The following NBPF14 variants were observed in gnomAD, a reference collection of about 807,000 sequenced individuals.
The protein encoded by NBPF14 is NBPF member 14, also known as NBPF family member NBPF14.
In NBPF14, 104 loss-of-function variants were observed where a neutral mutation model predicts 91.2. The observed-to-expected ratio is 1.14, with a 90% CI of 0.97 to 1.34. The LOEUF is 1.34. NBPF14 is among the 40% of genes most tolerant of loss of function. The pLI, the probability that NBPF14 is intolerant of heterozygous loss-of-function variation, is 0.00. For synonymous variants in NBPF14, 294 were observed against 303.8 expected, an observed-to-expected ratio of 0.97 and a Z score of 0.34; for missense variants, 908 against 783.0, an observed-to-expected ratio of 1.16 and a Z score of -1.91.
At chr1:148,576,088 C>A (rs1317205755) in intron 16 of NBPF14, among the ~76,000 whole-genome samples, 1 of 142,300 alleles carries the variant, frequency 7.0e-6, no homozygotes, top group Non-Finnish European at 1.5e-5. Flanking sequence ...AAAGGACACT[C>A]TGAGTTAGTG....
intron 37 of NBPF14, among the ~76,000 whole-genome samples, chr1:148,559,452 G>C (rs1425422518): frequency 2.3e-5 from 3 of 132,534 alleles, no homozygotes; most frequent in Non-Finnish European, 4.5e-5. Flanking sequence ...GAGGATTTCA[G>C]ACGCTGAAAT....
chr1:148,542,147 C>T (rs1447452296), intron 59 of NBPF14, among the ~76,000 whole-genome samples: 1 of 105,058 alleles, frequency 9.5e-6, no homozygotes, highest in Non-Finnish European at 1.7e-5. Flanking sequence ...CAAATGATTT[C>T]TAGGAGAAAA....
At chr1:148,589,836 G>T (rs1240458673) in intron 6 of NBPF14, among the ~76,000 whole-genome samples, 1 of 148,118 alleles carries the variant, frequency 6.8e-6, no homozygotes, top group Non-Finnish European at 1.5e-5. Flanking sequence ...GGGTTCAAGC[G>T]ATTCTCATCC....
chr1:148,534,493 C>A (rs1379020764), intron 69 of NBPF14, among the ~76,000 whole-genome samples, 191 bp downstream of exon 69: 1 of 151,800 alleles, frequency 6.6e-6, no homozygotes, highest in Non-Finnish European at 1.5e-5. Flanking sequence ...GGAAGAGAGT[C>A]TTGCTCACTG....
chr1:148,587,196 G>A, intron 8 of NBPF14, 105 bp downstream of exon 8: 2 of 967,918 alleles, frequency 2.1e-6, no homozygotes, highest in South Asian at 1.3e-5. Flanking sequence ...GGCAATTCCT[G>A]CCCTTCCCCT....
chr1:148,576,005 G>T (rs1308155017), intron 16 of NBPF14, among the ~76,000 whole-genome samples, 194 bp from the exon 17 acceptor site: 1 of 147,200 alleles, frequency 6.8e-6, no homozygotes, highest in Admixed American at 6.7e-5. Context: ...GAAAGACAGG[G>T]AGAGGGAGAG....
chr1:148,577,455 A>G (rs1660037343), intron 14 of NBPF14, 100 bp from the exon 15 acceptor site: 12 of 682,914 alleles, frequency 1.8e-5, no homozygotes, highest in Admixed American at 6.3e-5. Flanking sequence ...GTTTGAAAAG[A>G]AAAAGGACAG....
At chr1:148,560,187 C>CAGAGAT (rs1657536774) in intron 36 of NBPF14, among the ~76,000 whole-genome samples, 1 of 151,078 alleles carries the variant, frequency 6.6e-6, no homozygotes, top group African/African-American at 2.5e-5. Context: ...GAGACAGAGA[C>CAGAGAT]AGAGACAGAG....
At chr1:148,566,117 T>A in intron 29 of NBPF14, 26 bp downstream of exon 29, 2 of 464,480 alleles carry the variant, frequency 4.3e-6, no homozygotes, top group Non-Finnish European at 3.6e-6. Flanking sequence ...AGTGGATCCT[T>A]ATCACCTTCA....
chr1:148,534,597 G>A (rs1654663644), intron 69 of NBPF14, 87 bp downstream of exon 69: 5 of 886,698 alleles, frequency 5.6e-6, no homozygotes, highest in Non-Finnish European at 9.6e-6. Context: ...ACATCTCTCG[G>A]GTGAGTAAGG....
At chr1:148,593,266 C>A (rs1217773017) in intron 3 of NBPF14, among the ~76,000 whole-genome samples, 1 of 148,768 alleles carries the variant, frequency 6.7e-6, no homozygotes, top group Non-Finnish European at 1.5e-5. Context: ...GTGATTCTCA[C>A]TAAGGGTAAG....
At chr1:148,574,441 A>ACT (rs1367537333) in intron 18 of NBPF14, among the ~76,000 whole-genome samples, 2,735 of 49,534 alleles carry the variant, frequency 0.055, 42 homozygotes, top group Non-Finnish European at 0.08. Flanking sequence ...ACACACACAC[A>ACT]CACACACACA....
At chr1:148,590,215 ATTT>A (rs1261308189) in intron 6 of NBPF14, among the ~76,000 whole-genome samples, 2 of 118,788 alleles carry the variant, frequency 1.7e-5, no homozygotes, top group South Asian at 6.0e-4. Context: ...ACGCCCAGCT[ATTT>A]TTTTTTTTTT....
chr1:148,566,189 A>T (rs1658231037), exon 29 of NBPF14: 1 of 556,044 alleles, frequency 1.8e-6, no homozygotes, highest in East Asian at 3.3e-5. Context: ...CCAATGCATA[A>T]AAGGAACTTC....
chr1:148,532,241 A>G (rs1455152133), exon 71 of NBPF14: 4 of 151,016 alleles, frequency 2.6e-5, no homozygotes, highest in African/African-American at 9.7e-5. Context: ...ATTACCTCCT[A>G]TGAAACTCAG....
Position 148,535,513 on chromosome 1 carries a change from A to C in NBPF14, c.8390-9T>G. 1 of 407,980 alleles carries C rather than the reference A, an allele frequency of 2.5e-6. No homozygotes were observed. Among genetic ancestry groups the C allele is most frequent in the Non-Finnish European group, 4.1e-6 (1 of 242,972 alleles). The allele number at this position is 407,980 out of a possible 1,614,324, so 25.3% of individuals were successfully genotyped here. On this transcript the variant is annotated splice_polypyrimidine_tract_variant and intron_variant, in intron 67 of 70. Coordinates refer to ENST00000619423, the Ensembl canonical transcript of NBPF14. ...TTGGTACTTTTCAATTTCTGCAATA[A>C]GTTCAGACATGGACAGACATATTAA...
intron 37 of NBPF14, among the ~76,000 whole-genome samples, chr1:148,559,296 T>A (rs1173179320): frequency 8.4e-6 from 1 of 119,348 alleles, no homozygotes; most frequent in Non-Finnish European, 1.6e-5. Flanking sequence ...TAGATCGTTA[T>A]CCCAATATCA....
At chr1:148,577,590 AGAGC>A (rs1660111116) in intron 14 of NBPF14, among the ~76,000 whole-genome samples, 1 of 150,748 alleles carries the variant, frequency 6.6e-6, no homozygotes, top group Non-Finnish European at 1.5e-5. Context: ...ACACACACAC[AGAGC>A]GAGGTCAGTC....
chr1:148,578,784 T>C (rs1156895075), intron 13 of NBPF14, among the ~76,000 whole-genome samples: 1 of 148,646 alleles, frequency 6.7e-6, no homozygotes, highest in Non-Finnish European at 1.5e-5. Flanking sequence ...GGGCATGTGC[T>C]ACATAGTTTG....
Sources: gnomAD v4.1 joint callset for allele counts (sites outside exome capture counted in the v4.1 genomes callset) on GRCh38, gnomAD v4.1.1 for gene constraint, MANE v1.5 for transcripts, NCBI Gene and HGNC (gene_info 2026-07-23, HGNC 2026-07-21) for gene names.